CSMD2: variants seen among roughly 807,000 people sequenced by gnomAD.
CSMD2 encodes CUB and sushi domain-containing protein 2.
Under a neutral mutation model 398.5 loss-of-function variants are expected in CSMD2, and 130 were observed. The ratio of observed to expected loss-of-function variants is 0.33; its 90% CI spans 0.28 to 0.38. The LOEUF is 0.38. Ranked by LOEUF, CSMD2 falls within the 10% of genes least tolerant of loss-of-function variation. The pLI is 1.00. For synonymous variants in CSMD2, 1,828 were observed against 1,908.5 expected, an observed-to-expected ratio of 0.96 and a Z score of 1.10; for missense variants, 3,829 against 4,764.9, an observed-to-expected ratio of 0.80 and a Z score of 5.78.
intron 3 of CSMD2, among the ~76,000 whole-genome samples, chr1:34,013,713 G>T (rs990816234): frequency 6.6e-6 from 1 of 152,190 alleles, no homozygotes; most frequent in Admixed American, 6.5e-5. Flanking sequence ...GGGGCAAAGG[G>T]CACTCTCTGA....
intron 27 of CSMD2, among the ~76,000 whole-genome samples, chr1:33,656,937 G>C (rs1008884914): frequency 6.6e-6 from 1 of 152,130 alleles, no homozygotes; most frequent in Non-Finnish European, 1.5e-5. Context: ...CATTGACAGG[G>C]GAGATAAACA....
At chr1:33,724,902 C>A (rs1324157929) in intron 17 of CSMD2, among the ~76,000 whole-genome samples, 198 bp from the exon 18 acceptor site, 1 of 152,178 alleles carries the variant, frequency 6.6e-6, no homozygotes, top group African/African-American at 2.4e-5. Context: ...AAGAAAATGA[C>A]CTTGTCCTCA....
rs2148591301 is a variant in CSMD2, at chr1:34,163,399, C to A, written c.187+1512G>T. On this transcript the variant is annotated intron_variant, in intron 1 of 70. Transcript: ENST00000373381. This position sits in a 1 kb window ranked among gnomAD's most constrained non-coding sequence, Gnocchi z 5.4. ...ACTCTTAGCAGAACCTAAGAAAGTC[C>A]CGTCAGCTAGGAATGAGAGAGCCAG... 6.6e-6 allele frequency among the ~76,000 whole-genome samples: 1 copy of A among 152,306 alleles called. No homozygotes were observed. Among genetic ancestry groups the A allele is most frequent in the South Asian group, 2.1e-4 (1 of 4,828 alleles).
At chr1:34,024,742 C>T (rs79598530) in intron 3 of CSMD2, among the ~76,000 whole-genome samples, 328 of 152,342 alleles carry the variant, frequency 2.2e-3, no homozygotes, top group African/African-American at 7.7e-3. Flanking sequence ...GCCTGCTGTT[C>T]TGCTGTTCTG....
chr1:33,701,156 A>G (rs1460875814), intron 22 of CSMD2, among the ~76,000 whole-genome samples: 2 of 152,176 alleles, frequency 1.3e-5, no homozygotes. Flanking sequence ...CCACTGTGGC[A>G]GTAGCCTGTC....
Position 33,559,576 on chromosome 1 carries a change from G to A in CSMD2, c.8381-103C>T. ...TCTCTTAGGCCATCAGTGAAGTTCA[G>A]CCCTAAGTCTAACTTCAATCTCTTT... On this transcript the variant is annotated intron_variant, in intron 53 of 70. Transcript: ENST00000373381. This position sits in a 1 kb window ranked among gnomAD's most constrained non-coding sequence, Gnocchi z 4.0. 9.9e-7 allele frequency: 1 copy of A among 1,014,434 alleles called. No individual in the cohort carries two copies. Among genetic ancestry groups the A allele is most frequent in the South Asian group, 1.6e-5 (1 of 62,842 alleles). The allele number at this position is 1,014,434 out of a possible 1,614,324, so 62.8% of individuals were successfully genotyped here.
chr1:33,631,580 G>GA (rs1398764462), intron 32 of CSMD2, among the ~76,000 whole-genome samples: 2 of 151,790 alleles, frequency 1.3e-5, no homozygotes, highest in African/African-American at 4.8e-5. Context: ...CATAATGGGG[G>GA]AAAAAAGACC....
At chr1:34,049,524 C>T (rs761930238) in intron 2 of CSMD2, among the ~76,000 whole-genome samples, 1 of 152,090 alleles carries the variant, frequency 6.6e-6, no homozygotes, top group Non-Finnish European at 1.5e-5. Flanking sequence ...TGGGTTTTGC[C>T]CCCCAACCCC....
chr1:33,941,368 C>A (rs1358978216), intron 3 of CSMD2, among the ~76,000 whole-genome samples: 2 of 152,146 alleles, frequency 1.3e-5, no homozygotes, highest in African/African-American at 2.4e-5. Flanking sequence ...GGACAAGCAC[C>A]CTCCATATGT....
intron 10 of CSMD2, among the ~76,000 whole-genome samples, chr1:33,809,623 C>T (rs1200567962): frequency 6.6e-6 from 1 of 151,832 alleles, no homozygotes; most frequent in East Asian, 1.9e-4. Flanking sequence ...AAACAACGAC[C>T]ATAGGGGTCA....
intron 10 of CSMD2, among the ~76,000 whole-genome samples, chr1:33,800,436 G>A (rs1655455347): frequency 6.6e-6 from 1 of 152,162 alleles, no homozygotes; most frequent in Non-Finnish European, 1.5e-5. Context: ...GGTTCTGAGA[G>A]CAGTAAGCCC....
intron 21 of CSMD2, among the ~76,000 whole-genome samples, chr1:33,710,856 GC>G (rs1302767434): frequency 1.3e-5 from 2 of 152,108 alleles, no homozygotes; most frequent in Non-Finnish European, 2.9e-5. Context: ...GAAGATGGGG[GC>G]CACATGTCCC....
intron 3 of CSMD2, among the ~76,000 whole-genome samples, chr1:34,028,085 G>A (rs58733341): frequency 0.042 from 6,402 of 152,220 alleles, 453 homozygotes; most frequent in African/African-American, 0.15. Context: ...TTGGGAGGTC[G>A]AGGCAGGCAG....
At chr1:33,634,556 CT>C (rs927338832) in intron 31 of CSMD2, among the ~76,000 whole-genome samples, 2 of 152,202 alleles carry the variant, frequency 1.3e-5, no homozygotes, top group Non-Finnish European at 1.5e-5. Context: ...GCCTGGTCAC[CT>C]GGTTGCCCTT....
chr1:33,604,045 G>A lies in CSMD2; in HGVS notation c.6532+1237C>T, dbSNP rs906397817. 2.0e-5 allele frequency among the ~76,000 whole-genome samples: 3 copies of A among 152,188 alleles called. No individual in the cohort carries two copies. The East Asian group carries it at 5.8e-4, about 29-fold the overall frequency. ...TAAGGGGCTTAAAATTTGCCATTAG[G>A]GACATGGGAGAAAGCAAGAGAGTAT... On this transcript the variant is annotated intron_variant, in intron 42 of 70. Coordinates refer to ENST00000373381, the MANE Select transcript of CSMD2 (RefSeq NM_001281956.2).
chr1:33,934,770 A>G (rs1387592158), intron 4 of CSMD2, among the ~76,000 whole-genome samples: 1 of 149,864 alleles, frequency 6.7e-6, no homozygotes, highest in East Asian at 2.0e-4. Flanking sequence ...CCAAGGCCGG[A>G]GGATCATTTG....
At chr1:33,584,144 C>T (rs1021039678) in intron 46 of CSMD2, among the ~76,000 whole-genome samples, 1 of 152,112 alleles carries the variant, frequency 6.6e-6, no homozygotes, top group Non-Finnish European at 1.5e-5. Flanking sequence ...GTAAGGCTTC[C>T]CCAGATCCAA....
chr1:33,689,072 G>C (rs1218239134), intron 25 of CSMD2, among the ~76,000 whole-genome samples: 2 of 143,718 alleles, frequency 1.4e-5, no homozygotes, highest in Non-Finnish European at 3.1e-5. Flanking sequence ...GAGTGGGAAA[G>C]AAGGAGGGAA....
At chr1:33,602,341 T>G in intron 43 of CSMD2, 28 bp downstream of exon 43, 1 of 1,612,014 alleles carries the variant, frequency 6.2e-7, no homozygotes, top group Non-Finnish European at 8.5e-7. Flanking sequence ...TCCTTTCTAA[T>G]TGGCTGTTGA....
Sources: allele counts gnomAD v4.1 joint callset (sites outside exome capture counted in the v4.1 genomes callset), GRCh38; gene constraint gnomAD v4.1.1; non-coding constraint Gnocchi (gnomAD v3.1); transcripts MANE v1.5; gene names NCBI Gene and HGNC (gene_info 2026-07-23, HGNC 2026-07-21).